The following BCKDHB variants were observed in gnomAD, a reference collection of about 807,000 sequenced individuals.
BCKDHB encodes the protein branched chain keto acid dehydrogenase E1 subunit beta, also known as 2-oxoisovalerate dehydrogenase subunit beta, mitochondrial.
Under a neutral mutation model 48.5 loss-of-function variants are expected in BCKDHB, and 41 were observed. The observed-to-expected ratio is 0.85, with a 90% CI of 0.66 to 1.10. The LOEUF is 1.10. Among genes scored for constraint, BCKDHB ranks in the 50% least tolerant of loss-of-function variants. BCKDHB has a pLI of 0.00. For missense variants in BCKDHB, 496 were observed against 494.2 expected (o/e 1.00, Z -0.03); for synonymous variants, 201 against 174.8 (o/e 1.15, Z -1.18).
At chr6:80,366,872 AAC>A in the BCKDHB span, among the ~76,000 whole-genome samples, 1 of 152,200 alleles carries the variant, frequency 6.6e-6, no homozygotes, top group East Asian at 1.9e-4. Context: ...GTCTATTCTC[AAC>A]AGACATCTGG....
rs564087107 is a variant in BCKDHB, at chr6:80,148,842, G to A, written c.344-18836G>A. 1.7e-3 allele frequency among the ~76,000 whole-genome samples: 265 copies of A among 152,134 alleles called. 1 individual carries two copies. Among genetic ancestry groups the A allele is most frequent in the African/African-American group, 6.1e-3 (251 of 41,452 alleles). Reference sequence around the variant, plus strand: ...TTCAAGATGGATTAAAGACTTAAATGTTAGACCTAAAACCATAAAAACCCT... The same window carrying A: ...TTCAAGATGGATTAAAGACTTAAATATTAGACCTAAAACCATAAAAACCCT... On this transcript the variant is annotated intron_variant, in intron 3 of 9. Coordinates refer to ENST00000320393, the MANE Select transcript of BCKDHB (RefSeq NM_183050.4).
At chr6:80,458,625 C>G in the BCKDHB span, among the ~76,000 whole-genome samples, 1 of 152,132 alleles carries the variant, frequency 6.6e-6, no homozygotes, top group African/African-American at 2.4e-5. Context: ...AGAAATCCCT[C>G]ATGGAGTTGT....
At chr6:80,455,962 T>A in the BCKDHB span, among the ~76,000 whole-genome samples, 1 of 152,096 alleles carries the variant, frequency 6.6e-6, no homozygotes. Context: ...CGGTGGCTCA[T>A]GCCTGTAATC....
At chr6:80,354,054 T>G in the BCKDHB span, among the ~76,000 whole-genome samples, 1 of 152,152 alleles carries the variant, frequency 6.6e-6, no homozygotes, top group Non-Finnish European at 1.5e-5. Context: ...ATTTGTTGAA[T>G]TGAGTTTCTT....
At chr6:80,462,557 G>T in the BCKDHB span, among the ~76,000 whole-genome samples, 1 of 152,182 alleles carries the variant, frequency 6.6e-6, no homozygotes, top group Non-Finnish European at 1.5e-5. Context: ...GGTTACAGTA[G>T]CCACAAACTG....
chr6:80,392,287 C>T, the BCKDHB span, among the ~76,000 whole-genome samples: 1 of 152,142 alleles, frequency 6.6e-6, no homozygotes, highest in African/African-American at 2.4e-5. Context: ...AGTCACTGCG[C>T]CTGGGCAAGC....
chr6:80,399,880 C>A, the BCKDHB span, among the ~76,000 whole-genome samples: 789 of 152,054 alleles, frequency 5.2e-3, 5 homozygotes, highest in African/African-American at 0.018. Flanking sequence ...GGTACAAAAC[C>A]AGACATATTG....
the BCKDHB span, among the ~76,000 whole-genome samples, chr6:80,429,437 G>A: frequency 2.0e-5 from 3 of 152,156 alleles, no homozygotes; most frequent in Non-Finnish European, 4.4e-5. Flanking sequence ...GATTGGAATA[G>A]CATTGAATCT....
chr6:80,413,487 T>TCTC, the BCKDHB span, among the ~76,000 whole-genome samples: 1 of 152,194 alleles, frequency 6.6e-6, no homozygotes, highest in Admixed American at 6.5e-5. Flanking sequence ...TGTGTGTTGT[T>TCTC]CTCCTCTATG....
chr6:80,411,883 A>T, the BCKDHB span, among the ~76,000 whole-genome samples: 28 of 152,338 alleles, frequency 1.8e-4, 2 homozygotes, highest in East Asian at 5.4e-3. Context: ...TTGGTTAGGA[A>T]AGGGAAATCC....
intron 3 of BCKDHB, among the ~76,000 whole-genome samples, chr6:80,131,108 G>A (rs1770606965): frequency 6.6e-6 from 1 of 152,140 alleles, no homozygotes; most frequent in Non-Finnish European, 1.5e-5. Flanking sequence ...ATAACACTCT[G>A]CTTACCCCTT....
chr6:80,115,012 G>T (rs183848192), intron 1 of BCKDHB, among the ~76,000 whole-genome samples: 1 of 152,366 alleles, frequency 6.6e-6, no homozygotes, highest in Admixed American at 6.5e-5. Context: ...TTTTGTTCCT[G>T]TCACTTTTGT....
At chr6:80,125,846 A>T (rs913004914) in intron 1 of BCKDHB, among the ~76,000 whole-genome samples, 1 of 152,212 alleles carries the variant, frequency 6.6e-6, no homozygotes, top group African/African-American at 2.4e-5. Flanking sequence ...CAGATGTAAT[A>T]GTAATGAAAA....
intron 9 of BCKDHB, among the ~76,000 whole-genome samples, chr6:80,304,812 A>G (rs953464217): frequency 3.3e-5 from 5 of 152,114 alleles, no homozygotes; most frequent in African/African-American, 9.7e-5. Context: ...CTAAAAAGAA[A>G]ACTATACCAT....
At chr6:80,114,252 T>A (rs1237866773) in intron 1 of BCKDHB, among the ~76,000 whole-genome samples, 1 of 151,956 alleles carries the variant, frequency 6.6e-6, no homozygotes, top group Non-Finnish European at 1.5e-5. Context: ...TAGATTTTTT[T>A]TTTTTTTTTA....
the BCKDHB span, among the ~76,000 whole-genome samples, chr6:80,393,110 C>T: frequency 1.3e-5 from 2 of 152,080 alleles, no homozygotes; most frequent in South Asian, 4.1e-4. Context: ...CTAGAGTTCC[C>T]TCATGAGCTA....
At chr6:80,341,997 A>G (rs1233673306) in intron 9 of BCKDHB, among the ~76,000 whole-genome samples, 1 of 152,152 alleles carries the variant, frequency 6.6e-6, no homozygotes, top group Non-Finnish European at 1.5e-5. Flanking sequence ...GTTCGTGGAG[A>G]TTTCCAGTTG....
At chr6:80,211,152 G>A (rs1374543727) in intron 8 of BCKDHB, among the ~76,000 whole-genome samples, 8 of 152,012 alleles carry the variant, frequency 5.3e-5, no homozygotes, top group Admixed American at 2.0e-4. Flanking sequence ...AAGAACTGAA[G>A]CACAATCATT....
At chr6:80,183,593 A>G (rs528905927) in intron 6 of BCKDHB, among the ~76,000 whole-genome samples, 8 of 152,148 alleles carry the variant, frequency 5.3e-5, no homozygotes, top group Non-Finnish European at 1.2e-4. Flanking sequence ...ACCTATGTTA[A>G]CACATTGTCA....
Sources: allele counts gnomAD v4.1 joint callset (sites outside exome capture counted in the v4.1 genomes callset), GRCh38; gene constraint gnomAD v4.1.1; transcripts MANE v1.5; gene names NCBI Gene and HGNC (gene_info 2026-07-23, HGNC 2026-07-21).